CCDC178: variants seen among roughly 807,000 people sequenced by gnomAD.
CCDC178 encodes coiled-coil domain containing 178, also known as coiled-coil domain-containing protein 178.
In CCDC178, 126 loss-of-function variants were observed where a neutral mutation model predicts 117.4. The ratio of observed to expected loss-of-function variants is 1.07; its 90% CI spans 0.93 to 1.24. CCDC178 has a LOEUF of 1.24. Among genes scored for constraint, CCDC178 ranks in the 50% most tolerant of loss-of-function variants. CCDC178 has a pLI of 0.00. For synonymous variants in CCDC178, 283 were observed against 313.4 expected (o/e 0.90, Z 1.02); for missense variants, 1,030 against 986.9 (o/e 1.04, Z -0.59).
chr18:33,130,218 A>G (rs1445441478), intron 20 of CCDC178, among the ~76,000 whole-genome samples: 1 of 152,000 alleles, frequency 6.6e-6, no homozygotes, highest in African/African-American at 2.4e-5. Context: ...GTGAGATTAA[A>G]TAATTTAAAA....
chr18:32,970,043 G>C (rs1476208894), intron 22 of CCDC178, among the ~76,000 whole-genome samples: 1 of 151,992 alleles, frequency 6.6e-6, no homozygotes, highest in Non-Finnish European at 1.5e-5. Flanking sequence ...TACTAGGGCT[G>C]GGACAGGCCT....
intron 20 of CCDC178, among the ~76,000 whole-genome samples, chr18:33,131,970 TATTG>T (rs1351280011): frequency 1.2e-4 from 18 of 149,460 alleles, no homozygotes; most frequent in African/African-American, 3.3e-4. Context: ...TTCAAAGTTA[TATTG>T]ATTGTTTGTT....
At chr18:32,964,536 A>C (rs1321816012) in intron 22 of CCDC178, among the ~76,000 whole-genome samples, 1 of 152,006 alleles carries the variant, frequency 6.6e-6, no homozygotes, top group Admixed American at 6.6e-5. Flanking sequence ...AGTCGTCTTA[A>C]CACAGTACCA....
chr18:33,076,268 T>C (rs1346807675), intron 21 of CCDC178, among the ~76,000 whole-genome samples: 1 of 152,164 alleles, frequency 6.6e-6, no homozygotes, highest in African/African-American at 2.4e-5. Flanking sequence ...CATCCATGAA[T>C]GACACCTCCA....
intron 20 of CCDC178, among the ~76,000 whole-genome samples, chr18:33,145,659 G>A (rs1298242569): frequency 2.0e-5 from 3 of 152,132 alleles, no homozygotes; most frequent in Non-Finnish European, 4.4e-5. Context: ...CTGCACAAAT[G>A]GGTCATGAAC....
chr18:33,354,673 C>T (rs8096154), intron 7 of CCDC178, among the ~76,000 whole-genome samples: 37,030 of 150,352 alleles, frequency 0.25, 4,852 homozygotes, highest in East Asian at 0.48. Context: ...TGCAGTGGCA[C>T]GATCTTGGCT....
intron 20 of CCDC178, among the ~76,000 whole-genome samples, chr18:33,143,448 G>C (rs1206877445): frequency 6.6e-6 from 1 of 152,130 alleles, no homozygotes; most frequent in Non-Finnish European, 1.5e-5. Context: ...TGTAGCCCCT[G>C]AATATCCTCT....
chr18:33,329,860 GT>G (rs941807782), intron 10 of CCDC178, among the ~76,000 whole-genome samples: 17 of 142,114 alleles, frequency 1.2e-4, no homozygotes, highest in Non-Finnish European at 2.6e-4. Flanking sequence ...GAGTTTGAGA[GT>G]TGGAGAATTA....
At chr18:33,007,705 T>C (rs966436693) in intron 21 of CCDC178, among the ~76,000 whole-genome samples, 5 of 152,132 alleles carry the variant, frequency 3.3e-5, no homozygotes, top group African/African-American at 1.2e-4. Context: ...TCAAGGCTAT[T>C]GGTGGCTATT....
chr18:33,000,429 G>A (rs1178497944), intron 21 of CCDC178, among the ~76,000 whole-genome samples: 1 of 152,090 alleles, frequency 6.6e-6, no homozygotes, highest in East Asian at 1.9e-4. Context: ...GATTTAAAGG[G>A]ATAATAACAG....
intron 21 of CCDC178, among the ~76,000 whole-genome samples, chr18:33,054,692 T>G (rs564711453): frequency 2.0e-5 from 3 of 152,244 alleles, no homozygotes; most frequent in Non-Finnish European, 4.4e-5. Flanking sequence ...TTAGGTAGAT[T>G]CTATGTCTTT....
At position 33,105,875 on chromosome 18, in the gene CCDC178, C is replaced by CA. The variant is rs889919527; in HGVS notation, c.2239-12966dup. 1.9e-3 allele frequency among the ~76,000 whole-genome samples: 267 copies of CA among 143,812 alleles called. 1 individual carries two copies. The highest frequency in any genetic ancestry group is 6.1e-3 in the African/African-American group (240 of 39,402). The allele number at this position is 143,812 out of a possible 152,430, so 94.3% of individuals were successfully genotyped here. On this transcript the variant is annotated intron_variant, in intron 20 of 22. Transcript: ENST00000383096. ...CTCACAACTCAGGAGATTAAAATTTCAAAAAAAAAAGTAAGACAGTTTCAC... is the reference window on the plus strand; with the variant it reads ...CTCACAACTCAGGAGATTAAAATTTCAAAAAAAAAAAGTAAGACAGTTTCAC...
chr18:33,044,535 T>A (rs538870406), intron 21 of CCDC178, among the ~76,000 whole-genome samples: 88 of 151,692 alleles, frequency 5.8e-4, no homozygotes, highest in Non-Finnish European at 1.0e-3. Context: ...AAAACAGATG[T>A]TGACGATGTG....
At chr18:33,207,178 G>A (rs1870347541) in intron 20 of CCDC178, among the ~76,000 whole-genome samples, 1 of 151,976 alleles carries the variant, frequency 6.6e-6, no homozygotes, top group Non-Finnish European at 1.5e-5. Flanking sequence ...GAACTGAAAT[G>A]CCCCATGCAA....
At chr18:33,132,553 C>A (rs2058078641) in intron 20 of CCDC178, among the ~76,000 whole-genome samples, 1 of 151,492 alleles carries the variant, frequency 6.6e-6, no homozygotes, top group South Asian at 2.1e-4. Flanking sequence ...TATTTATTAA[C>A]AATCATATTT....
chr18:33,141,074 C>A (rs1364914142), intron 20 of CCDC178, among the ~76,000 whole-genome samples: 1 of 152,144 alleles, frequency 6.6e-6, no homozygotes, highest in Non-Finnish European at 1.5e-5. Flanking sequence ...CTCCTCCTTG[C>A]CTTCCGCCAT....
intron 22 of CCDC178, among the ~76,000 whole-genome samples, chr18:32,963,790 T>C (rs2054755433): frequency 6.6e-6 from 1 of 152,040 alleles, no homozygotes; most frequent in Admixed American, 6.6e-5. Context: ...AGATTCAAGC[T>C]CTTTAAAGAC....
chr18:32,999,122 C>A (rs1487931984), intron 21 of CCDC178, among the ~76,000 whole-genome samples: 1 of 151,922 alleles, frequency 6.6e-6, no homozygotes, highest in East Asian at 1.9e-4. Context: ...GAAGTGAGAG[C>A]CACAGGCCTG....
At chr18:33,141,866 CCTT>C (rs1431477812) in intron 20 of CCDC178, among the ~76,000 whole-genome samples, 8 of 152,132 alleles carry the variant, frequency 5.3e-5, no homozygotes, top group Non-Finnish European at 7.4e-5. Context: ...TCCCCACCTC[CCTT>C]CTTCTTGTTT....
Sources: gnomAD v4.1 joint callset for allele counts (sites outside exome capture counted in the v4.1 genomes callset) on GRCh38, gnomAD v4.1.1 for gene constraint, MANE v1.5 for transcripts, NCBI Gene and HGNC (gene_info 2026-07-23, HGNC 2026-07-21) for gene names.